Variants in WDR3 observed in about 807,000 individuals in gnomAD.
The protein encoded by WDR3 is WD repeat domain 3, also known as WD repeat-containing protein 3.
WDR3 carries 81 observed loss-of-function variants against 123.7 expected under a neutral mutation model. The ratio of observed to expected loss-of-function variants is 0.65; its 90% CI spans 0.55 to 0.79. WDR3 has a LOEUF of 0.79. Ranked by LOEUF, WDR3 falls within the 30% of genes least tolerant of loss-of-function variation. The pLI is 0.00. For synonymous variants in WDR3, 390 were observed against 388.8 expected (o/e 1.00, Z -0.04); for missense variants, 1,027 against 1,123.2 (o/e 0.91, Z 1.22).
At chr1:117,933,256 A>C in intron 1 of WDR3, 32 bp from the exon 2 acceptor site, 1 of 1,580,632 alleles carries the variant, frequency 6.3e-7, no homozygotes, top group African/African-American at 1.4e-5. Context: ...AAGGCACCCA[A>C]GGAGCTGAGT....
In WDR3 at chr1:117,955,315, C is replaced by T. The variant is rs781336176; in HGVS notation, c.2410C>T (p.Pro804Ser). 6.8e-6 allele frequency: 11 copies of T among 1,610,582 alleles called. No individual in the cohort carries two copies. Among genetic ancestry groups the T allele is most frequent in the Non-Finnish European group, 8.5e-6 (10 of 1,177,856 alleles). The change falls in exon 24 of 27, where the codon CCT becomes TCT. Residue 804 changes from proline to serine, a missense_variant and splice_region_variant. Pro to Ser is a moderately conservative substitution (Grantham distance 74). Coordinates refer to ENST00000349139, the MANE Select transcript of WDR3 (RefSeq NM_006784.3). ...PILMAYGSIS[P>S]SAYVLEIFKG... ...AATGGTATTAATCCTTCCTTTATAGCCTTCAGCTTATGTATTAGAGATTTT... is the reference window on the plus strand; with the variant it reads ...AATGGTATTAATCCTTCCTTTATAGTCTTCAGCTTATGTATTAGAGATTTT...
intron 15 of WDR3, 122 bp from the exon 16 acceptor site, chr1:117,950,712 C>G: frequency 2.3e-6 from 2 of 859,764 alleles, no homozygotes; most frequent in Non-Finnish European, 3.6e-6. Context: ...TGTGGGTTGT[C>G]TTTGAAAATA....
Position 117,963,770 on chromosome 1 carries a change from A to G in WDR3, c.*4323A>G, listed in dbSNP as rs376986347. On this transcript the variant is annotated 3_prime_UTR_variant, in exon 27 of 27. Transcript: ENST00000349139. ...ATACCTCAAATTTGAATGCTTGACAATCAAATTCCCATTTATTACTTACTG... is the reference window on the plus strand; with the variant it reads ...ATACCTCAAATTTGAATGCTTGACAGTCAAATTCCCATTTATTACTTACTG... 4.8e-5 allele frequency: 77 copies of G among 1,588,496 alleles called. No individual in the cohort carries two copies. The African/African-American group carries it at 9.9e-4, about 20-fold the overall frequency.
In WDR3 at chr1:117,959,680, CTCA is replaced by C; in HGVS notation, c.*234_*236del. The C allele has an allele frequency of 2.8e-6, 1 of 358,418 alleles. No homozygotes were observed. The highest frequency in any genetic ancestry group is 8.7e-5 in the South Asian group (1 of 11,546). 22.2% of individuals were successfully genotyped at this position (358,418 alleles called of 1,614,324 possible). A position where few individuals can be genotyped will look rare whatever the true frequency, so the allele number is the denominator to read the frequency against. ...ATTAGTTTAAAAATCTTTCTGTGCTCTCAAAGCTTGAGCCTTGCAGCTCAAGCT... is the reference window on the plus strand; with the variant it reads ...ATTAGTTTAAAAATCTTTCTGTGCTCAAGCTTGAGCCTTGCAGCTCAAGCT... On this transcript the variant is annotated 3_prime_UTR_variant, in exon 27 of 27. Transcript: ENST00000349139.
At chr1:117,936,978 C>T (rs529412864) in intron 4 of WDR3, 91 bp downstream of exon 4, 5 of 1,008,976 alleles carry the variant, frequency 5.0e-6, no homozygotes, top group African/African-American at 4.8e-5. Context: ...GCAGTGTGCT[C>T]ATGCTTATGC....
At chr1:117,935,718 T>TGTAA (rs1650920003) in intron 3 of WDR3, among the ~76,000 whole-genome samples, 1 of 151,942 alleles carries the variant, frequency 6.6e-6, no homozygotes, top group Admixed American at 6.5e-5. Context: ...CTAGAAAATA[T>TGTAA]GTAAGTAAAT....
At chr1:117,941,003 T>C in intron 7 of WDR3, 63 bp downstream of exon 7, 2 of 1,574,506 alleles carry the variant, frequency 1.3e-6, no homozygotes, top group East Asian at 4.5e-5. Flanking sequence ...GAATTGCAGA[T>C]TTTTAGGGAA....
intron 8 of WDR3, among the ~76,000 whole-genome samples, 171 bp downstream of exon 8, chr1:117,941,396 T>C (rs1422102570): frequency 1.3e-5 from 2 of 152,220 alleles, no homozygotes; most frequent in East Asian, 1.9e-4. Flanking sequence ...AACAAAAATA[T>C]TAATAATTAC....
chr1:117,937,412 C>T (rs1044045889), intron 4 of WDR3, among the ~76,000 whole-genome samples: 1 of 152,022 alleles, frequency 6.6e-6, no homozygotes, highest in African/African-American at 2.4e-5. Flanking sequence ...GAATGGCCAC[C>T]TAGGAAAAGC....
At chr1:117,945,280 A>C (rs1018184761) in intron 11 of WDR3, among the ~76,000 whole-genome samples, 1 of 151,962 alleles carries the variant, frequency 6.6e-6, no homozygotes, top group African/African-American at 2.4e-5. Context: ...CCTACCTTAC[A>C]CACCTTATCT....
intron 12 of WDR3, 47 bp downstream of exon 12, chr1:117,946,226 A>G (rs1441277388): frequency 3.4e-6 from 5 of 1,491,274 alleles, no homozygotes. Flanking sequence ...TCTACTCAAA[A>G]TTCATAAAGT....
chr1:117,932,784 A>G (rs759796881), intron 1 of WDR3, among the ~76,000 whole-genome samples: 2 of 152,186 alleles, frequency 1.3e-5, no homozygotes, highest in Non-Finnish European at 2.9e-5. Flanking sequence ...GGAATGAGGG[A>G]TTATATTGAG....
At position 117,954,051 on chromosome 1, in the gene WDR3, T is replaced by G. The variant is rs1314337748; in HGVS notation, c.2313T>G (p.Thr771=). Residue 771 remains threonine, a synonymous_variant, in exon 22 of 27, where the codon ACT becomes ACG. Coordinates refer to ENST00000349139, the MANE Select transcript of WDR3 (RefSeq NM_006784.3). ...MEAIELYREE[T]AKMKEHKAIC... is the part of the protein sequence containing the mutation. ...CTATTGAGTTGTACCGAGAAGAAACTGCAAAAATGAAGGAACACAAAGCCA... is the reference window on the plus strand; with the variant it reads ...CTATTGAGTTGTACCGAGAAGAAACGGCAAAAATGAAGGAACACAAAGCCA... 1.2e-6 allele frequency: 2 copies of G among 1,612,122 alleles called. No individual in the cohort carries two copies. The highest frequency in any genetic ancestry group is 3.3e-5 in the Admixed American group (2 of 59,896).
rs1485415193 is a variant in WDR3 at position 117,942,469 on chromosome 1, C to G, written c.1022C>G (p.Pro341Arg). Residue 341 changes from proline (P) to arginine (R), a missense_variant, in exon 10 of 27, where the codon CCT becomes CGT. Coordinates refer to ENST00000349139, the MANE Select transcript of WDR3 (RefSeq NM_006784.3). ...TCTAGCAAAGGAGAGGAGGAAGATC[C>G]TGAGGTTAATGTTGAAATGAGTCTG... Reference protein sequence around the residue: ...LHSSKGEEEDPEVNVEMSLQD... With the variant: ...LHSSKGEEEDREVNVEMSLQD... The G allele has an allele frequency of 6.2e-7, 1 of 1,613,898 alleles. No individual in the cohort carries two copies. Among genetic ancestry groups the G allele is most frequent in the South Asian group, 1.1e-5 (1 of 91,062 alleles).
chr1:117,955,294 G>T (rs1270026920), intron 23 of WDR3, 21 bp from the exon 24 acceptor site: 2 of 1,607,476 alleles, frequency 1.2e-6, no homozygotes, highest in African/African-American at 2.7e-5. Context: ...ATCACTAATG[G>T]TATTAATCCT....
In WDR3 at chr1:117,943,408, G is replaced by A. The variant is rs1356998064; in HGVS notation, c.1110G>A (p.Leu370=). 6.2e-7 allele frequency: 1 copy of A among 1,613,650 alleles called. No homozygotes were observed. The highest frequency in any genetic ancestry group is 1.7e-5 in the Admixed American group (1 of 59,958). Residue 370 remains leucine (L), a synonymous_variant, in exon 11 of 27, where the codon TTG becomes TTA. Coordinates refer to ENST00000349139, the MANE Select transcript of WDR3 (RefSeq NM_006784.3). ...KTSAKIKSFD[L]IHSPHGELKA... is the part of the protein sequence containing the mutation. Reference sequence around the variant, plus strand: ...TTTTCTTGTACAGGTCCTTTGACTTGATTCATTCACCTCACGGAGAGTTAA... The same window carrying A: ...TTTTCTTGTACAGGTCCTTTGACTTAATTCATTCACCTCACGGAGAGTTAA...
chr1:117,946,999 G>A (rs1366429854), intron 12 of WDR3, among the ~76,000 whole-genome samples: 1 of 151,310 alleles, frequency 6.6e-6, no homozygotes, highest in African/African-American at 2.4e-5. Flanking sequence ...TGCTCATAGT[G>A]TGTTCCTTTA....
intron 16 of WDR3, among the ~76,000 whole-genome samples, chr1:117,951,745 G>T (rs1023699638): frequency 1.3e-5 from 2 of 152,098 alleles, no homozygotes; most frequent in African/African-American, 4.8e-5. Flanking sequence ...GCACTGCCCT[G>T]TGACAGTACG....
At chr1:117,945,548 A>G (rs543801735) in intron 11 of WDR3, among the ~76,000 whole-genome samples, 2 of 152,274 alleles carry the variant, frequency 1.3e-5, no homozygotes, top group East Asian at 3.9e-4. Flanking sequence ...TGATATACCA[A>G]ATATTTAGAT....
Sources: gnomAD v4.1 joint callset for allele counts (sites outside exome capture counted in the v4.1 genomes callset) on GRCh38, gnomAD v4.1.1 for gene constraint, MANE v1.5 for transcripts, NCBI Gene and HGNC (gene_info 2026-07-23, HGNC 2026-07-21) for gene names.